Variants in OXA1L observed in about 807,000 individuals in gnomAD.
OXA1L encodes OXA1L mitochondrial inner membrane insertase.
A neutral mutation model predicts 52.2 loss-of-function variants in OXA1L; 42 were observed. That is an observed-to-expected ratio of 0.80 (90% CI 0.63 to 1.04). OXA1L has a LOEUF of 1.04. Ranked by LOEUF, OXA1L falls within the 50% of genes least tolerant of loss-of-function variation. OXA1L has a pLI of 0.00. For missense variants in OXA1L, 572 were observed against 555.0 expected, an observed-to-expected ratio of 1.03 and a Z score of -0.31; for synonymous variants, 239 against 201.9, an observed-to-expected ratio of 1.18 and a Z score of -1.56.
In OXA1L at chr14:22,770,046, C is replaced by G. The variant is rs1248916627; in HGVS notation, c.583+112C>G. 5 of 1,464,088 alleles carry G rather than the reference C, an allele frequency of 3.4e-6. No homozygotes were observed. In the Admixed American group the frequency reaches 8.7e-5, roughly 26 times the overall value. The allele number at this position is 1,464,088 out of a possible 1,614,324, so 90.7% of individuals were successfully genotyped here. Reference sequence around the variant, plus strand: ...AGAAGTTGCCACAGTCGGGAAAGTTCTAAAGGTTTATCTGTTTCTTAGACC... The same window carrying G: ...AGAAGTTGCCACAGTCGGGAAAGTTGTAAAGGTTTATCTGTTTCTTAGACC... On this transcript the variant is annotated intron_variant, in intron 4 of 9. Coordinates refer to ENST00000612549, the MANE Select transcript of OXA1L (RefSeq NM_005015.5).
chr14:22,767,897 G>A, intron 2 of OXA1L, 61 bp from the exon 3 acceptor site: 1 of 1,313,672 alleles, frequency 7.6e-7, no homozygotes, highest in Admixed American at 2.0e-5. Context: ...ATTATAAAAA[G>A]ATCTCACTTG....
chr14:22,771,172 T>A lies in OXA1L; in HGVS notation c.1094T>A (p.Phe365Tyr), dbSNP rs768008790. The A allele has an allele frequency of 5.0e-6, 8 of 1,613,162 alleles. No individual in the cohort carries two copies. The Admixed American group carries it at 1.0e-4, about 20-fold the overall frequency. ...CCACGGGAAGGCTTCCTAGAGAGCT[T>A]CAAAAAAGGTAAGGGCTCATCCTCT... ...LPPREGFLES[F>Y]KKGWKNAEMT... Residue 365 changes from phenylalanine to tyrosine, a missense_variant, in exon 8 of 10, where the codon TTC becomes TAC. Phe to Tyr is a conservative substitution (Grantham distance 22). This residue lies in a region of OXA1L where 244 missense variants were observed against 240.2 expected (regional missense o/e 1.02). Coordinates refer to ENST00000612549, the MANE Select transcript of OXA1L (RefSeq NM_005015.5).
At position 22,771,280 on chromosome 14, in the gene OXA1L, C is replaced by T. The variant is rs2038459002; in HGVS notation, c.1115C>T (p.Ala372Val). The T allele has an allele frequency of 1.9e-6, 3 of 1,614,006 alleles. No homozygotes were observed. Among genetic ancestry groups the T allele is most frequent in the Non-Finnish European group, 2.5e-6 (3 of 1,179,978 alleles). ...LESFKKGWKNAEMTRQLRERE... is the reference protein window; with the variant it reads ...LESFKKGWKNVEMTRQLRERE... ...TCTCTTTACACAGGCTGGAAAAATGCTGAAATGACGCGTCAGCTGCGAGAG... is the reference window on the plus strand; with the variant it reads ...TCTCTTTACACAGGCTGGAAAAATGTTGAAATGACGCGTCAGCTGCGAGAG... The change falls in exon 9 of 10, where the codon GCT becomes GTT. Residue 372 changes from alanine (A) to valine (V), a missense_variant. Ala to Val is a moderately conservative substitution (Grantham distance 64). This residue lies in a region of OXA1L where 244 missense variants were observed against 240.2 expected (regional missense o/e 1.02). Coordinates refer to ENST00000612549, the MANE Select transcript of OXA1L (RefSeq NM_005015.5).
Position 22,766,763 on chromosome 14 carries a change from G to A in OXA1L, c.62G>A (p.Arg21Gln), listed in dbSNP as rs995649530. 26 of 1,614,028 alleles carry A rather than the reference G, an allele frequency of 1.6e-5. No individual in the cohort carries two copies. The Admixed American group carries it at 4.0e-4, about 25-fold the overall frequency. Residue 21 changes from arginine (R) to glutamine (Q), a missense_variant and splice_region_variant, in exon 1 of 10, where the codon CGG becomes CAG. Arg to Gln is a conservative substitution (Grantham distance 43). This residue lies in a region of OXA1L where 186 missense variants were observed against 151.8 expected (regional missense o/e 1.23). Transcript: ENST00000612549. ...CTGCGCTTGCTACAGTCCGGGCGTC[G>A]GGTAAGGATGCCCCGGGGCAGAGCA... ...ELLRLLQSGR[R>Q]VHSVAGPSQW...
chr14:22,767,046 A>ATTC (rs1482821608), intron 1 of OXA1L: 1 of 1,536,036 alleles, frequency 6.5e-7, no homozygotes, highest in South Asian at 1.2e-5. Flanking sequence ...GATGCGGGGA[A>ATTC]CCCAGGTTCG....
In OXA1L at chr14:22,771,699, A is replaced by G. The variant is rs1299870252; in HGVS notation, c.*141A>G. ...TTCATTTTAAAAACGGATTTCATGA[A>G]ACACTCTTGTACTTATGTTTATAAG... On this transcript the variant is annotated 3_prime_UTR_variant, in exon 10 of 10. Transcript: ENST00000612549. 2.3e-6 allele frequency: 2 copies of G among 871,810 alleles called. No individual in the cohort carries two copies. Among genetic ancestry groups the G allele is most frequent in the African/African-American group, 3.3e-5 (2 of 60,094 alleles). The allele number at this position is 871,810 out of a possible 1,614,324, so 54.0% of individuals were successfully genotyped here. A position where few individuals can be genotyped will look rare whatever the true frequency, so the allele number is the denominator to read the frequency against.
chr14:22,771,437 C>G lies in OXA1L; in HGVS notation c.1187C>G (p.Pro396Arg). Residue 396 changes from proline to arginine, a missense_variant, in exon 10 of 10, where the codon CCT (proline) becomes CGT (arginine). Coordinates refer to ENST00000612549, the MANE Select transcript of OXA1L (RefSeq NM_005015.5). ...RNQLELAARG[P>R]LRQTFTHNPL... Reference sequence around the variant, plus strand: ...TTGTTTTCTCTTCTCCCCTCAGGTCCTTTACGACAGACCTTTACCCACAAC... The same window carrying G: ...TTGTTTTCTCTTCTCCCCTCAGGTCGTTTACGACAGACCTTTACCCACAAC... The G allele has an allele frequency of 1.2e-6, 2 of 1,614,200 alleles. No individual in the cohort carries two copies. Among genetic ancestry groups the G allele is most frequent in the Non-Finnish European group, 1.7e-6 (2 of 1,180,030 alleles).
At chr14:22,766,924 C>G (rs1335259293) in intron 1 of OXA1L, 160 bp downstream of exon 1, 1 of 1,513,484 alleles carries the variant, frequency 6.6e-7, no homozygotes, top group Non-Finnish European at 8.8e-7. Context: ...GGTTAGTCCC[C>G]GACACTATGG....
chr14:22,771,732 T>C lies in OXA1L; in HGVS notation c.*174T>C. On this transcript the variant is annotated 3_prime_UTR_variant, in exon 10 of 10. Coordinates refer to ENST00000612549, the MANE Select transcript of OXA1L (RefSeq NM_005015.5). ...TGTACTTATGTTTATAAGAGAGCAC[T>C]GGGTAGCCAAGTGATCTTCCCATTC... 1.5e-6 allele frequency: 1 copy of C among 681,364 alleles called. No homozygotes were observed. The highest frequency in any genetic ancestry group is 2.5e-6 in the Non-Finnish European group (1 of 398,912). The allele number at this position is 681,364 out of a possible 1,614,324, so 42.2% of individuals were successfully genotyped here.
intron 3 of OXA1L, 36 bp from the exon 4 acceptor site, chr14:22,769,755 T>A: frequency 6.2e-7 from 1 of 1,613,106 alleles, no homozygotes. Context: ...GCAGAACTGC[T>A]TTAATTTCAC....
chr14:22,770,714 G>C, intron 6 of OXA1L, 89 bp downstream of exon 6: 1 of 1,548,520 alleles, frequency 6.5e-7, no homozygotes, highest in Non-Finnish European at 8.9e-7. Context: ...TCCTTCACTT[G>C]CTGGAGAAAG....
intron 5 of OXA1L, 55 bp downstream of exon 5, chr14:22,770,333 CTG>C (rs2038447373): frequency 5.2e-6 from 8 of 1,527,096 alleles, no homozygotes; most frequent in Admixed American, 1.7e-5. Flanking sequence ...AATTTCCTCT[CTG>C]TGTTTCATGT....
In OXA1L at chr14:22,767,271, G is replaced by A. The variant is rs182214344; in HGVS notation, c.87G>A (p.Ser29=). ...AGGTCCACAGCGTCGCAGGGCCCTC[G>A]CAATGGCTTGGGAAACCGCTGACCA... is the stretch of plus-strand genomic sequence containing the variant. ...GRRVHSVAGP[S]QWLGKPLTTR... Residue 29 remains serine, a synonymous_variant, in exon 2 of 10, where the codon TCG becomes TCA. Coordinates refer to ENST00000612549, the MANE Select transcript of OXA1L (RefSeq NM_005015.5). 25 of 1,611,386 alleles carry A rather than the reference G, an allele frequency of 1.6e-5. No homozygotes were observed. Among genetic ancestry groups the A allele is most frequent in the Non-Finnish European group, 2.0e-5 (23 of 1,179,220 alleles).
intron 1 of OXA1L, 28 bp downstream of exon 1, chr14:22,766,792 G>T (rs184742544): frequency 1.2e-6 from 2 of 1,613,398 alleles, no homozygotes; most frequent in East Asian, 2.2e-5. Flanking sequence ...CAGAGCACCG[G>T]GATGCTGCCC....
intron 3 of OXA1L, chr14:22,768,404 A>C: frequency 1.9e-6 from 1 of 534,622 alleles, no homozygotes; most frequent in Non-Finnish European, 3.4e-6. Context: ...GAATACAAAC[A>C]TGGGGTTAGA....
In OXA1L at chr14:22,772,556, T is replaced by A. The variant is rs535118761; in HGVS notation, c.*998T>A. On this transcript the variant is annotated 3_prime_UTR_variant, in exon 10 of 10. Transcript: ENST00000612549. ...TCCAACCCATGCATGTGTTGTTCTA[T>A]GCACATTTGGATTGCAGTCTAGAGG... 1 of 150,392 alleles carries A rather than the reference T, an allele frequency of 6.6e-6. No individual in the cohort carries two copies. Among genetic ancestry groups the A allele is most frequent in the East Asian group, 2.0e-4 (1 of 5,102 alleles). 9.3% of individuals were successfully genotyped at this position (150,392 alleles called of 1,614,324 possible). A position where few individuals can be genotyped will look rare whatever the true frequency, so the allele number is the denominator to read the frequency against.
rs368090191 is a variant in OXA1L at position 22,771,093 on chromosome 14, C to G, written c.1015C>G (p.Arg339Gly). 19 of 1,613,956 alleles carry G rather than the reference C, an allele frequency of 1.2e-5. No individual in the cohort carries two copies. The highest frequency in any genetic ancestry group is 8.0e-5 in the African/African-American group (6 of 74,908). The change falls in exon 8 of 10, where the codon CGC (arginine) becomes GGC (glycine). Residue 339 changes from arginine to glycine, a missense_variant. By Grantham distance (125) the Arg-to-Gly change is moderately radical. Around this residue, in one of 5 missense-constraint regions of OXA1L, gnomAD observed 244 missense variants for 240.2 expected, o/e 1.02. Coordinates refer to ENST00000612549, the MANE Select transcript of OXA1L (RefSeq NM_005015.5). Reference sequence around the variant, plus strand: ...ATCCTGTCTCCGGATTCCAGCAGTACGCACTGTACTTAAAATCCCCCAGCG... The same window carrying G: ...ATCCTGTCTCCGGATTCCAGCAGTAGGCACTGTACTTAAAATCCCCCAGCG... ...QVSCLRIPAV[R>G]TVLKIPQRVV... is the part of the protein sequence containing the mutation.
rs776525573 is a variant in OXA1L at position 22,771,514 on chromosome 14, A to G, written c.1264A>G (p.Ser422Gly). The part of the protein sequence containing the change: ...DNPPNIPSSS[S>G]KPKSKYPWHD... ...CCCTCCCAATATCCCTAGCAGCAGC[A>G]GCAAACCAAAGTCAAAGTATCCCTG... Residue 422 changes from serine to glycine, a missense_variant, in exon 10 of 10, where the codon AGC becomes GGC. Transcript: ENST00000612549. The G allele has an allele frequency of 1.9e-6, 3 of 1,614,150 alleles. No homozygotes were observed. The highest frequency in any genetic ancestry group is 2.5e-6 in the Non-Finnish European group (3 of 1,180,006).
At chr14:22,770,997 C>G in intron 7 of OXA1L, 21 bp from the exon 8 acceptor site, 2 of 1,614,134 alleles carry the variant, frequency 1.2e-6, no homozygotes, top group Non-Finnish European at 1.7e-6. Flanking sequence ...TTCTGAGTCC[C>G]TTCTCTGTGT....
Sources: gnomAD v4.1 joint callset for allele counts on GRCh38, gnomAD v4.1.1 for gene constraint, gnomAD v4.1.1 regional missense constraint, MANE v1.5 for transcripts, NCBI Gene and HGNC (gene_info 2026-07-23, HGNC 2026-07-21) for gene names.